CERT1: variants seen among roughly 807,000 people sequenced by gnomAD.
CERT1 encodes ceramide transporter 1.
A neutral mutation model predicts 87.9 loss-of-function variants in CERT1; 31 were observed. That is an observed-to-expected ratio of 0.35 (90% CI 0.27 to 0.48). The LOEUF is 0.48. Among genes scored for constraint, CERT1 ranks in the 20% least tolerant of loss-of-function variants. The pLI is 0.99. For synonymous variants in CERT1, 289 were observed against 250.9 expected (o/e 1.15, Z -1.44); for missense variants, 487 against 758.0 (o/e 0.64, Z 4.20).
At chr5:75,492,597 T>G (rs982784558) in intron 2 of CERT1, among the ~76,000 whole-genome samples, 1 of 152,198 alleles carries the variant, frequency 6.6e-6, no homozygotes, top group Non-Finnish European at 1.5e-5. Flanking sequence ...GGCATGTTCA[T>G]ATGTTCCCCT....
At chr5:75,403,703 G>A (rs537650129) in intron 8 of CERT1, among the ~76,000 whole-genome samples, 91 of 152,350 alleles carry the variant, frequency 6.0e-4, no homozygotes, top group African/African-American at 2.1e-3. Context: ...ATGCTTGATA[G>A]TCTGGCTAGA....
At chr5:75,407,900 T>TAA (rs78971933) in intron 8 of CERT1, among the ~76,000 whole-genome samples, 4 of 136,444 alleles carry the variant, frequency 2.9e-5, no homozygotes, top group Non-Finnish European at 4.8e-5. Flanking sequence ...TTTATTATGG[T>TAA]AAAAAAAAAA....
chr5:75,458,664 G>A (rs1765101942), intron 3 of CERT1, among the ~76,000 whole-genome samples: 1 of 151,752 alleles, frequency 6.6e-6, no homozygotes, highest in Non-Finnish European at 1.5e-5. Flanking sequence ...CGGTTCTACT[G>A]CCTCAGCCTC....
intron 9 of CERT1, chr5:75,402,061 A>G (rs1353075541): frequency 6.6e-6 from 1 of 152,232 alleles, no homozygotes; most frequent in Non-Finnish European, 1.5e-5. Flanking sequence ...AAGACAAAGT[A>G]TCAAATTAAT....
In CERT1 at chr5:75,380,710, G is replaced by A. The variant is rs60048968; in HGVS notation, c.1747+362C>T. On this transcript the variant is annotated intron_variant, in intron 16 of 16. Coordinates refer to ENST00000643780, the MANE Select transcript of CERT1 (RefSeq NM_001379029.1). The stretch of plus-strand genomic sequence containing the variant: ...AGAGAATCGCTTGAACCCAGGAGGC[G>A]GAGGCTGCAGTGAGCTGAGACTGCA... Among the ~76,000 whole-genome samples, 55 of 150,452 alleles carry A rather than the reference G, an allele frequency of 3.7e-4. 1 individual carries two copies. The highest frequency in any genetic ancestry group is 2.0e-3 in the East Asian group (10 of 5,084).
intron 2 of CERT1, among the ~76,000 whole-genome samples, chr5:75,494,324 C>T (rs1225707071): frequency 6.6e-6 from 1 of 152,038 alleles, no homozygotes; most frequent in Non-Finnish European, 1.5e-5. Context: ...TAGAAAAGAC[C>T]CCAGCAACCT....
chr5:75,493,733 T>C (rs1766920740), intron 2 of CERT1, among the ~76,000 whole-genome samples: 1 of 152,202 alleles, frequency 6.6e-6, no homozygotes, highest in Non-Finnish European at 1.5e-5. Flanking sequence ...TCTTTTATTA[T>C]TTCATTGATA....
intron 2 of CERT1, among the ~76,000 whole-genome samples, chr5:75,468,522 T>C (rs4440336): frequency 0.39 from 59,162 of 151,964 alleles, 15,193 homozygotes; most frequent in African/African-American, 0.74. Context: ...CCTATCCCAG[T>C]GACAGGTGGT....
At chr5:75,448,234 A>G (rs1182668659) in intron 3 of CERT1, among the ~76,000 whole-genome samples, 2 of 152,184 alleles carry the variant, frequency 1.3e-5, no homozygotes, top group Non-Finnish European at 2.9e-5. Context: ...ATCCCTCTAT[A>G]TATCAGAGGA....
intron 2 of CERT1, among the ~76,000 whole-genome samples, chr5:75,490,006 C>T (rs1340842271): frequency 6.6e-6 from 1 of 152,160 alleles, no homozygotes. Flanking sequence ...CCATGGAATA[C>T]TATGCAGCCA....
intron 2 of CERT1, among the ~76,000 whole-genome samples, chr5:75,504,543 A>T (rs1171631919): frequency 1.3e-5 from 2 of 152,230 alleles, no homozygotes; most frequent in Non-Finnish European, 2.9e-5. Context: ...AACATACGCT[A>T]AGTAAGGATT....
At chr5:75,419,039 C>A (rs1214562627) in intron 6 of CERT1, among the ~76,000 whole-genome samples, 1 of 152,080 alleles carries the variant, frequency 6.6e-6, no homozygotes, top group African/African-American at 2.4e-5. Flanking sequence ...AACTGAGAAT[C>A]CAGAAATAAA....
intron 2 of CERT1, among the ~76,000 whole-genome samples, chr5:75,479,997 G>A (rs963861084): frequency 2.0e-5 from 3 of 152,156 alleles, no homozygotes; most frequent in Admixed American, 2.0e-4. Flanking sequence ...ACAGGTGTGA[G>A]ATGGTATCTT....
intron 2 of CERT1, among the ~76,000 whole-genome samples, chr5:75,466,382 C>G (rs1349479286): frequency 6.6e-6 from 1 of 152,212 alleles, no homozygotes; most frequent in African/African-American, 2.4e-5. Flanking sequence ...CCAGTACCAG[C>G]TACGCATGCG....
Position 75,379,273 on chromosome 5 carries a change from T to G in CERT1, c.*73A>C. 7.7e-7 allele frequency: 1 copy of G among 1,300,544 alleles called. No individual in the cohort carries two copies. The highest frequency in any genetic ancestry group is 1.1e-6 in the Non-Finnish European group (1 of 926,740). 80.6% of individuals were successfully genotyped at this position (1,300,544 alleles called of 1,614,324 possible). A position where few individuals can be genotyped will look rare whatever the true frequency, so the allele number is the denominator to read the frequency against. Reference sequence around the variant, plus strand: ...TAGTAAATACTTTCAACAACTAAATTTTAGTATTGACAGTCATATTAGTCA... The same window carrying G: ...TAGTAAATACTTTCAACAACTAAATGTTAGTATTGACAGTCATATTAGTCA... On this transcript the variant is annotated 3_prime_UTR_variant, in exon 17 of 17. Coordinates refer to ENST00000643780, the MANE Select transcript of CERT1 (RefSeq NM_001379029.1).
At chr5:75,502,748 T>C (rs913047926) in intron 2 of CERT1, among the ~76,000 whole-genome samples, 12 of 152,122 alleles carry the variant, frequency 7.9e-5, no homozygotes, top group Admixed American at 5.9e-4. Context: ...TTTTTTATCA[T>C]GTGCACTTTA....
At chr5:75,434,644 T>A (rs995769711) in intron 3 of CERT1, among the ~76,000 whole-genome samples, 3 of 151,922 alleles carry the variant, frequency 2.0e-5, no homozygotes, top group Non-Finnish European at 2.9e-5. Flanking sequence ...TGGTAGGTTT[T>A]TTTTTTTTTA....
intron 8 of CERT1, 83 bp downstream of exon 8, chr5:75,410,928 G>A (rs1317261686): frequency 1.5e-6 from 1 of 682,092 alleles, no homozygotes; most frequent in East Asian, 2.8e-5. Context: ...AATATTTAAA[G>A]GTTACAAGAG....
At chr5:75,431,943 T>A (rs1000618540) in intron 3 of CERT1, among the ~76,000 whole-genome samples, 3 of 152,186 alleles carry the variant, frequency 2.0e-5, no homozygotes, top group Non-Finnish European at 2.9e-5. Context: ...AGTAATGAGA[T>A]TGCTGGTCAA....
Sources: gnomAD v4.1 joint callset for allele counts (sites outside exome capture counted in the v4.1 genomes callset) on GRCh38, gnomAD v4.1.1 for gene constraint, MANE v1.5 for transcripts, NCBI Gene and HGNC (gene_info 2026-07-23, HGNC 2026-07-21) for gene names.